DENND4C: variants seen among roughly 807,000 people sequenced by gnomAD.
The protein encoded by DENND4C is DENN domain-containing protein 4C.
In DENND4C, 108 loss-of-function variants were observed where a neutral mutation model predicts 203.0. The observed-to-expected ratio is 0.53, with a 90% CI of 0.46 to 0.62. The LOEUF (loss-of-function observed/expected upper bound fraction) is 0.62, where lower values mean the gene tolerates loss of function less well. Among genes scored for constraint, DENND4C ranks in the 20% least tolerant of loss-of-function variants. The pLI, the probability that DENND4C is intolerant of heterozygous loss-of-function variation, is 0.00. For missense variants in DENND4C, 2,481 were observed against 2,301.2 expected (o/e 1.08, Z -1.60); for synonymous variants, 871 against 792.4 (o/e 1.10, Z -1.67).
intron 10 of DENND4C, among the ~76,000 whole-genome samples, chr9:19,309,652 G>A (rs1840364078): frequency 6.6e-6 from 1 of 151,398 alleles, no homozygotes; most frequent in Non-Finnish European, 1.5e-5. Context: ...TTGGTCTTTT[G>A]TTTTTCCATG....
At chr9:19,337,226 C>T (rs1820688690) in intron 20 of DENND4C, among the ~76,000 whole-genome samples, 1 of 152,128 alleles carries the variant, frequency 6.6e-6, no homozygotes, top group African/African-American at 2.4e-5. Context: ...AAGGAAGTCA[C>T]ACAATGAGAA....
In DENND4C at chr9:19,360,333, A is replaced by G; in HGVS notation, c.5250A>G (p.Leu1750=). The G allele has an allele frequency of 6.2e-7, 1 of 1,614,132 alleles. No individual in the cohort carries two copies. The highest frequency in any genetic ancestry group is 2.2e-5 in the East Asian group (1 of 44,872). ...LVLRKELESL[L]ENEGDQVIHT... Reference sequence around the variant, plus strand: ...TCCGTAAAGAACTTGAATCTTTGCTAGAAAATGAAGGTGATCAGGTGATTC... The same window carrying G: ...TCCGTAAAGAACTTGAATCTTTGCTGGAAAATGAAGGTGATCAGGTGATTC... The change falls in exon 29 of 33, where the codon CTA becomes CTG. Residue 1750 remains leucine, a synonymous_variant. Coordinates refer to ENST00000434457, the MANE Select transcript of DENND4C (RefSeq NM_001330640.2).
intron 1 of DENND4C, among the ~76,000 whole-genome samples, chr9:19,273,669 A>G (rs1173367629): frequency 6.6e-6 from 1 of 152,082 alleles, no homozygotes; most frequent in African/African-American, 2.4e-5. Flanking sequence ...AAATAAATCA[A>G]TGAAAAGATG....
Position 19,346,461 on chromosome 9 carries a change from G to C in DENND4C, c.3692G>C (p.Arg1231Thr), listed in dbSNP as rs765880647. The C allele has an allele frequency of 6.2e-7, 1 of 1,614,192 alleles. No individual in the cohort carries two copies. The highest frequency in any genetic ancestry group is 1.7e-5 in the Admixed American group (1 of 60,022). The change falls in exon 23 of 33, where the codon AGA becomes ACA. Residue 1231 changes from arginine (R) to threonine (T), a missense_variant. Arg to Thr is a moderately conservative substitution (Grantham distance 71, BLOSUM62 -1). Transcript: ENST00000434457. ...KTVSKDLRNK[R>T]SSLYGIAKVV... ...GTATCCAAAGATCTGAGGAATAAGA[G>C]AAGTAGTTTATATGGTATTGCTAAG...
At position 19,335,014 on chromosome 9, in the gene DENND4C, G is replaced by C. The variant is rs1370009097; in HGVS notation, c.2498G>C (p.Trp833Ser). 1.9e-6 allele frequency: 3 copies of C among 1,610,376 alleles called. No homozygotes were observed. Among genetic ancestry groups the C allele is most frequent in the African/African-American group, 2.7e-5 (2 of 74,384 alleles). The change falls in exon 18 of 33, where the codon TGG becomes TCG. Residue 833 changes from tryptophan to serine, a missense_variant. Physicochemically the swap from Trp to Ser is radical, Grantham distance 177. Coordinates refer to ENST00000434457, the MANE Select transcript of DENND4C (RefSeq NM_001330640.2). ...GTAGTGATGCAGCTTTGTGGACTTT[G>C]GGGTCATCCTGTTTTAGCAGTGAGA... ...YRVVMQLCGL[W>S]GHPVLAVRVL...
chr9:19,286,777 A>G lies in DENND4C; in HGVS notation c.314A>G (p.Tyr105Cys), dbSNP rs1448880224. ...CCCTTCCTGCCATGCAGAGTTCTAT[A>G]TGAAGGGAAAGAACGGCTTATTCCA... is the stretch of plus-strand genomic sequence containing the variant. ...KPPLTDIGVL[Y>C]EGKERLIPGC... The change falls in exon 3 of 33, where the codon TAT (tyrosine) becomes TGT (cysteine). Residue 105 changes from tyrosine (Y) to cysteine (C), a missense_variant. Tyr to Cys is a radical substitution (Grantham distance 194). Around this residue, in one of 3 missense-constraint regions of DENND4C, gnomAD observed 187 missense variants for 167.4 expected, o/e 1.12. Coordinates refer to ENST00000434457, the MANE Select transcript of DENND4C (RefSeq NM_001330640.2). The G allele has an allele frequency of 1.6e-6, 2 of 1,231,988 alleles. No homozygotes were observed. Among genetic ancestry groups the G allele is most frequent in the Non-Finnish European group, 2.0e-6 (2 of 987,962 alleles). The allele number at this position is 1,231,988 out of a possible 1,614,324, so 76.3% of individuals were successfully genotyped here. A position where few individuals can be genotyped will look rare whatever the true frequency, so the allele number is the denominator to read the frequency against.
intron 10 of DENND4C, among the ~76,000 whole-genome samples, chr9:19,306,466 A>C (rs1198530040): frequency 6.6e-6 from 1 of 152,210 alleles, no homozygotes; most frequent in Non-Finnish European, 1.5e-5. Flanking sequence ...GCTTGAAAGT[A>C]ATGAACAACT....
rs1033113390 is a variant in DENND4C, at chr9:19,275,627, G to C, written c.-17-531G>C. Among the ~76,000 whole-genome samples, 22 of 151,980 alleles carry C rather than the reference G, an allele frequency of 1.4e-4. 2 individuals are homozygous for C. Among genetic ancestry groups the C allele is most frequent in the Admixed American group, 4.6e-4 (7 of 15,266 alleles). ...CTGGGATTATAGGCGCCCCCCACCA[G>C]GCTCAGCTAAATTTTTGTATTTTTG... On this transcript the variant is annotated intron_variant, in intron 1 of 32. Coordinates refer to ENST00000434457, the MANE Select transcript of DENND4C (RefSeq NM_001330640.2).
intron 16 of DENND4C, among the ~76,000 whole-genome samples, chr9:19,328,400 G>T (rs1266484777): frequency 6.6e-6 from 1 of 152,150 alleles, no homozygotes; most frequent in Non-Finnish European, 1.5e-5. Flanking sequence ...ATCACTTGAG[G>T]TCAGGAGTTA....
intron 30 of DENND4C, among the ~76,000 whole-genome samples, chr9:19,367,270 A>G (rs1827868016): frequency 6.6e-6 from 1 of 152,258 alleles, no homozygotes; most frequent in African/African-American, 2.4e-5. Flanking sequence ...CTCCTTTGGA[A>G]AACAGTTTCA....
chr9:19,325,382 G>C (rs952387783), intron 13 of DENND4C, among the ~76,000 whole-genome samples: 3 of 151,934 alleles, frequency 2.0e-5, no homozygotes, highest in African/African-American at 7.3e-5. Flanking sequence ...AGTAGATCTT[G>C]GGGCCAATTG....
chr9:19,372,093 G>C lies in DENND4C; in HGVS notation c.5797G>C (p.Glu1933Gln). 2 of 1,614,098 alleles carry C rather than the reference G, an allele frequency of 1.2e-6. No homozygotes were observed. The highest frequency in any genetic ancestry group is 1.7e-6 in the Non-Finnish European group (2 of 1,180,008). The change falls in exon 33 of 33, where the codon GAA (glutamate) becomes CAA (glutamine). Residue 1933 changes from glutamate (E) to glutamine (Q), a missense_variant. Coordinates refer to ENST00000434457, the MANE Select transcript of DENND4C (RefSeq NM_001330640.2). Reference sequence around the variant, plus strand: ...CAATAGTCTGTCTTCAGAGATTCTTGAAAGGTTGCAGAAAATTGATGCTCC... The same window carrying C: ...CAATAGTCTGTCTTCAGAGATTCTTCAAAGGTTGCAGAAAATTGATGCTCC... Reference protein sequence around the residue: ...AYNSLSSEILERLQKIDAPPS... With the variant: ...AYNSLSSEILQRLQKIDAPPS...
intron 10 of DENND4C, among the ~76,000 whole-genome samples, chr9:19,310,206 C>G (rs566493601): frequency 6.6e-6 from 1 of 152,290 alleles, no homozygotes; most frequent in East Asian, 1.9e-4. Context: ...TCACATTTCT[C>G]TACTTACACT....
chr9:19,235,166 T>C (rs932434030), intron 1 of DENND4C, among the ~76,000 whole-genome samples: 5 of 152,034 alleles, frequency 3.3e-5, no homozygotes, highest in Admixed American at 1.3e-4. Context: ...GGTTTTGCCA[T>C]GTTGGCCAGG....
chr9:19,284,774 G>A (rs1312917694), intron 2 of DENND4C, among the ~76,000 whole-genome samples: 1 of 152,014 alleles, frequency 6.6e-6, no homozygotes, highest in Non-Finnish European at 1.5e-5. Flanking sequence ...TTTTTTTAAA[G>A]GAAATTTTTT....
At chr9:19,232,729 C>G (rs988657839) in intron 1 of DENND4C, among the ~76,000 whole-genome samples, 12 of 152,140 alleles carry the variant, frequency 7.9e-5, no homozygotes, top group Non-Finnish European at 5.9e-5. Context: ...GGTGTGTAGG[C>G]TGTAACAATT....
intron 1 of DENND4C, among the ~76,000 whole-genome samples, chr9:19,270,865 T>G (rs1037045196): frequency 6.6e-6 from 1 of 152,260 alleles, no homozygotes; most frequent in African/African-American, 2.4e-5. Context: ...TCTAAACTAA[T>G]AAGTGATTTT....
chr9:19,332,277 A>G (rs1819391834), intron 17 of DENND4C, 93 bp downstream of exon 17: 2 of 1,000,522 alleles, frequency 2.0e-6, no homozygotes, highest in Admixed American at 2.0e-5. Context: ...AGTGTGCTCA[A>G]GCATTTTCAT....
chr9:19,290,831 TC>T lies in DENND4C; in HGVS notation c.758del (p.Pro253GlnfsTer8). ...GGGATCCTGAAACCAAATATCCACT[TC>T]CAGTTTTTTCAACTTTTGTCTTGAC... The part of the protein sequence containing the change: ...CWDPETKYPL[P>X]VFSTFVLTGS... On this transcript the variant is annotated frameshift_variant, in exon 5 of 33. Transcript: ENST00000434457. LOFTEE classifies it high-confidence loss of function. 1 of 1,613,656 alleles carries T rather than the reference TC, an allele frequency of 6.2e-7. No homozygotes were observed. The highest frequency in any genetic ancestry group is 8.5e-7 in the Non-Finnish European group (1 of 1,179,758).
Sources: allele counts gnomAD v4.1 joint callset (sites outside exome capture counted in the v4.1 genomes callset), GRCh38; gene constraint gnomAD v4.1.1; regional missense constraint gnomAD v4.1.1; transcripts MANE v1.5; gene names NCBI Gene and HGNC (gene_info 2026-07-23, HGNC 2026-07-21).